DDR2: variants seen among roughly 807,000 people sequenced by gnomAD.
DDR2 encodes the protein discoidin domain receptor tyrosine kinase 2, also known as discoidin domain-containing receptor 2.
DDR2 carries 27 observed loss-of-function variants against 94.9 expected under a neutral mutation model. The ratio of observed to expected loss-of-function variants is 0.28; its 90% CI spans 0.21 to 0.39. DDR2 has a LOEUF of 0.39. DDR2 is among the 10% of genes least tolerant of loss of function. The pLI, the probability that DDR2 is intolerant of heterozygous loss-of-function variation, is 1.00. For synonymous variants in DDR2, 382 were observed against 377.2 expected (o/e 1.01, Z -0.15); for missense variants, 783 against 1,076.0 (o/e 0.73, Z 3.81).
At chr1:162,647,053 C>T (rs1390337630) in intron 1 of DDR2, among the ~76,000 whole-genome samples, 3 of 152,132 alleles carry the variant, frequency 2.0e-5, no homozygotes, top group African/African-American at 4.8e-5. Context: ...GGGAAGAATA[C>T]GCTTTTGGCC....
At chr1:162,687,260 T>C (rs563805039) in intron 2 of DDR2, among the ~76,000 whole-genome samples, 6 of 152,344 alleles carry the variant, frequency 3.9e-5, no homozygotes, top group African/African-American at 1.4e-4. Context: ...GGAATACTGA[T>C]GAGTGGTTTG....
chr1:162,775,180 A>C (rs920415520), intron 14 of DDR2, among the ~76,000 whole-genome samples: 4 of 152,080 alleles, frequency 2.6e-5, no homozygotes, highest in African/African-American at 9.7e-5. Flanking sequence ...GAAAATAAAG[A>C]GTAATCAGAT....
chr1:162,699,681 C>T (rs927931334), intron 2 of DDR2, among the ~76,000 whole-genome samples: 7 of 152,318 alleles, frequency 4.6e-5, no homozygotes, highest in Non-Finnish European at 5.9e-5. Flanking sequence ...AGAATATCTT[C>T]GATGAATTCA....
chr1:162,764,747 A>G (rs185262095), intron 9 of DDR2, among the ~76,000 whole-genome samples: 16 of 151,642 alleles, frequency 1.1e-4, no homozygotes, highest in Non-Finnish European at 1.3e-4. Flanking sequence ...GGATCACCTG[A>G]GCCCTGGAGG....
intron 2 of DDR2, among the ~76,000 whole-genome samples, chr1:162,681,387 ACC>A (rs1342897839): frequency 6.6e-6 from 1 of 152,102 alleles, no homozygotes; most frequent in Admixed American, 6.6e-5. Context: ...GTGGTAATTT[ACC>A]AGGGCATTGT....
At chr1:162,763,264 C>T (rs1663831629) in intron 9 of DDR2, among the ~76,000 whole-genome samples, 1 of 150,864 alleles carries the variant, frequency 6.6e-6, no homozygotes, top group African/African-American at 2.4e-5. Context: ...CCTCCACCTC[C>T]CAGGTTCAAG....
At chr1:162,780,062 A>G (rs1282979212) in intron 17 of DDR2, 50 bp from the exon 18 acceptor site, 2 of 1,602,680 alleles carry the variant, frequency 1.2e-6, no homozygotes, top group East Asian at 2.2e-5. Context: ...CGTCTTTGTA[A>G]TATTCTCTCT....
chr1:162,693,891 C>T (rs1660065817), intron 2 of DDR2, among the ~76,000 whole-genome samples: 1 of 152,178 alleles, frequency 6.6e-6, no homozygotes. Context: ...CTCTCTTCTT[C>T]ACCTTCATAT....
intron 2 of DDR2, among the ~76,000 whole-genome samples, chr1:162,677,911 C>T (rs1459597294): frequency 6.6e-6 from 1 of 152,130 alleles, no homozygotes; most frequent in Non-Finnish European, 1.5e-5. Flanking sequence ...TTATTTATAC[C>T]TATGTGCTGG....
intron 3 of DDR2, among the ~76,000 whole-genome samples, chr1:162,728,101 A>C (rs894523621): frequency 1.4e-5 from 2 of 143,436 alleles, no homozygotes; most frequent in African/African-American, 5.1e-5. Flanking sequence ...ATCACACTAT[A>C]TATATCTATA....
intron 14 of DDR2, among the ~76,000 whole-genome samples, chr1:162,774,117 C>A (rs1483289505): frequency 6.6e-6 from 1 of 152,104 alleles, no homozygotes; most frequent in Non-Finnish European, 1.5e-5. Flanking sequence ...CTATGAACCT[C>A]AAAGCAAAAG....
At chr1:162,708,493 G>A (rs1660755236) in intron 2 of DDR2, among the ~76,000 whole-genome samples, 1 of 152,200 alleles carries the variant, frequency 6.6e-6, no homozygotes, top group Non-Finnish European at 1.5e-5. Flanking sequence ...GGGCCTTGTG[G>A]CTTTGAGTGG....
chr1:162,753,840 A>G (rs1663331846), intron 4 of DDR2, among the ~76,000 whole-genome samples: 1 of 152,186 alleles, frequency 6.6e-6, no homozygotes, highest in African/African-American at 2.4e-5. Context: ...TGAAGTATTG[A>G]TTTTATTAAA....
intron 2 of DDR2, among the ~76,000 whole-genome samples, chr1:162,663,332 C>T (rs993868817): frequency 7.9e-5 from 12 of 152,144 alleles, no homozygotes; most frequent in African/African-American, 2.9e-4. Flanking sequence ...ACATAGAGCT[C>T]ATTGTACAGA....
intron 11 of DDR2, among the ~76,000 whole-genome samples, chr1:162,769,828 A>T (rs566412534): frequency 2.0e-5 from 3 of 152,314 alleles, no homozygotes; most frequent in Non-Finnish European, 4.4e-5. Flanking sequence ...GGTGGGTATT[A>T]TCCTAATCTA....
intron 7 of DDR2, among the ~76,000 whole-genome samples, chr1:162,757,159 AT>A (rs1663502039): frequency 6.6e-6 from 1 of 152,230 alleles, no homozygotes. Flanking sequence ...TGGATTTCAT[AT>A]AATAAAAGTT....
At position 162,759,987 on chromosome 1, in the gene DDR2, G is replaced by C; in HGVS notation, c.855+8G>C. On this transcript the variant is annotated splice_region_variant and intron_variant, in intron 8 of 17. Coordinates refer to ENST00000367921, the MANE Select transcript of DDR2 (RefSeq NM_006182.4). Reference sequence around the variant, plus strand: ...AATTTCACTACCATGAAGGTCAGTGGGGTCGGGTGTGGTGGAACTTCTTTA... The same window carrying C: ...AATTTCACTACCATGAAGGTCAGTGCGGTCGGGTGTGGTGGAACTTCTTTA... The C allele has an allele frequency of 6.2e-7, 1 of 1,614,064 alleles. No homozygotes were observed. The highest frequency in any genetic ancestry group is 8.5e-7 in the Non-Finnish European group (1 of 1,179,996).
At chr1:162,677,557 C>A (rs577791515) in intron 2 of DDR2, among the ~76,000 whole-genome samples, 1 of 152,314 alleles carries the variant, frequency 6.6e-6, no homozygotes, top group African/African-American at 2.4e-5. Context: ...AGGAACCTCT[C>A]TTACATGAAT....
intron 2 of DDR2, among the ~76,000 whole-genome samples, chr1:162,711,402 C>G (rs932899116): frequency 6.6e-6 from 1 of 152,164 alleles, no homozygotes; most frequent in African/African-American, 2.4e-5. Flanking sequence ...TTGCGAAGAA[C>G]TATTCTGTAG....
Sources: gnomAD v4.1 joint callset for allele counts (sites outside exome capture counted in the v4.1 genomes callset) on GRCh38, gnomAD v4.1.1 for gene constraint, MANE v1.5 for transcripts, NCBI Gene and HGNC (gene_info 2026-07-23, HGNC 2026-07-21) for gene names.